CEP112: variants seen among roughly 807,000 people sequenced by gnomAD.
CEP112 encodes the protein centrosomal protein 112, also known as centrosomal protein of 112 kDa.
CEP112 carries 127 observed loss-of-function variants against 153.0 expected under a neutral mutation model. That is an observed-to-expected ratio of 0.83 (90% CI 0.72 to 0.96). The LOEUF (loss-of-function observed/expected upper bound fraction) is 0.96. Among genes scored for constraint, CEP112 ranks in the 40% least tolerant of loss-of-function variants. The pLI is 0.00. For synonymous variants in CEP112, 358 were observed against 374.4 expected (o/e 0.96, Z 0.51); for missense variants, 1,089 against 1,101.2 (o/e 0.99, Z 0.16).
At chr17:65,749,431 C>T (rs2051677564) in intron 22 of CEP112, among the ~76,000 whole-genome samples, 1 of 151,998 alleles carries the variant, frequency 6.6e-6, no homozygotes, top group East Asian at 1.9e-4. Flanking sequence ...TGGCGTGAAT[C>T]AGGGAGGTGG....
intron 8 of CEP112, among the ~76,000 whole-genome samples, chr17:66,094,590 C>T (rs915582805): frequency 6.6e-6 from 1 of 151,816 alleles, no homozygotes; most frequent in African/African-American, 2.4e-5. Context: ...TTGCTCTGGG[C>T]AATGATGTTT....
intron 16 of CEP112, among the ~76,000 whole-genome samples, chr17:66,015,036 C>A (rs145718521): frequency 6.6e-6 from 1 of 152,174 alleles, no homozygotes; most frequent in African/African-American, 2.4e-5. Flanking sequence ...TCAAGGACAT[C>A]GTCTTTGGAA....
In CEP112 at chr17:66,191,464, G is replaced by C. The variant is rs1466632475; in HGVS notation, c.-9+533C>G. Reference sequence around the variant, plus strand: ...AAACACAGGGTAGCATCCTACATGCGGCGGTGCTGGGCTTGGGCCTCTCCA... The same window carrying C: ...AAACACAGGGTAGCATCCTACATGCCGCGGTGCTGGGCTTGGGCCTCTCCA... On this transcript the variant is annotated intron_variant, in intron 1 of 26. Coordinates refer to ENST00000535342, the MANE Select transcript of CEP112 (RefSeq NM_001199165.4). The surrounding 1 kb of genome is among the most constrained non-coding windows in gnomAD (Gnocchi z 4.2). Among the ~76,000 whole-genome samples, 1 of 152,144 alleles carries C rather than the reference G, an allele frequency of 6.6e-6. No individual in the cohort carries two copies. Among genetic ancestry groups the C allele is most frequent in the Non-Finnish European group, 1.5e-5 (1 of 68,030 alleles).
At chr17:65,854,790 C>T (rs946765800) in intron 20 of CEP112, among the ~76,000 whole-genome samples, 13 of 152,066 alleles carry the variant, frequency 8.5e-5, no homozygotes, top group South Asian at 4.1e-4. Context: ...ATCAATTGTC[C>T]GTGAAAACAG....
chr17:65,736,077 T>C (rs1567937966), intron 23 of CEP112, among the ~76,000 whole-genome samples: 1 of 152,154 alleles, frequency 6.6e-6, no homozygotes, highest in African/African-American at 2.4e-5. Flanking sequence ...GCAGTGATTC[T>C]AGATAAGGGT....
chr17:66,168,017 A>G (rs1423424885), intron 4 of CEP112, among the ~76,000 whole-genome samples: 1 of 152,254 alleles, frequency 6.6e-6, no homozygotes, highest in African/African-American at 2.4e-5. Context: ...GTTTAAATGT[A>G]TATATATCTG....
chr17:66,174,174 C>T (rs374675775), intron 4 of CEP112, among the ~76,000 whole-genome samples: 18 of 152,196 alleles, frequency 1.2e-4, no homozygotes, highest in South Asian at 4.2e-4. Flanking sequence ...GTGATCCGCC[C>T]GCCTCAGCCT....
intron 23 of CEP112, among the ~76,000 whole-genome samples, chr17:65,690,425 C>CAAAAAAAA (rs67648497): frequency 3.9e-5 from 3 of 76,674 alleles, no homozygotes; most frequent in African/African-American, 1.0e-4. Context: ...GACCCTGTCT[C>CAAAAAAAA]AAAAAAAAAA....
intron 1 of CEP112, 140 bp from the exon 2 acceptor site, chr17:66,183,447 T>C: frequency 3.9e-6 from 2 of 519,198 alleles, no homozygotes; most frequent in Non-Finnish European, 6.7e-6. Flanking sequence ...GCAACTCCCA[T>C]CAAAACCCAG....
At chr17:65,918,921 G>A (rs1351310808) in intron 19 of CEP112, among the ~76,000 whole-genome samples, 4 of 152,164 alleles carry the variant, frequency 2.6e-5, no homozygotes, top group Non-Finnish European at 5.9e-5. Flanking sequence ...CTGTAAGAGA[G>A]GGGCTCAAAA....
At chr17:65,690,425 C>CA (rs67648497) in intron 23 of CEP112, among the ~76,000 whole-genome samples, 8,385 of 76,380 alleles carry the variant, frequency 0.11, 1,127 homozygotes, top group East Asian at 0.55. Context: ...GACCCTGTCT[C>CA]AAAAAAAAAA....
At chr17:65,958,528 C>T (rs1181958288) in intron 18 of CEP112, among the ~76,000 whole-genome samples, 1 of 63,720 alleles carries the variant, frequency 1.6e-5, no homozygotes, top group African/African-American at 4.9e-5. Context: ...GCTGTCCGTG[C>T]CCACTCCAAT....
chr17:65,829,429 T>C (rs1257701203), intron 21 of CEP112, among the ~76,000 whole-genome samples: 1 of 152,168 alleles, frequency 6.6e-6, no homozygotes, highest in Non-Finnish European at 1.5e-5. Flanking sequence ...AATGTATCTA[T>C]GCAGCTTTAT....
intron 4 of CEP112, among the ~76,000 whole-genome samples, chr17:66,167,515 T>C (rs897740360): frequency 3.3e-5 from 5 of 152,108 alleles, no homozygotes; most frequent in African/African-American, 1.2e-4. Flanking sequence ...GGACAGATGG[T>C]TGCCAAGTGT....
intron 22 of CEP112, among the ~76,000 whole-genome samples, chr17:65,747,256 A>T (rs1475123844): frequency 6.6e-6 from 1 of 152,146 alleles, no homozygotes; most frequent in Non-Finnish European, 1.5e-5. Flanking sequence ...TCCTCACAAA[A>T]TAAGTGGATG....
chr17:66,037,909 C>T (rs1263346436), intron 12 of CEP112, among the ~76,000 whole-genome samples: 3 of 151,678 alleles, frequency 2.0e-5, no homozygotes, highest in African/African-American at 7.3e-5. Flanking sequence ...TAAGTATATA[C>T]ATAGATATGA....
chr17:65,750,889 A>C, intron 21 of CEP112, 165 bp from the exon 22 acceptor site: 4 of 522,314 alleles, frequency 7.7e-6, no homozygotes, highest in South Asian at 3.2e-5. Context: ...ACTATTCATC[A>C]CTTAAAAAGC....
intron 16 of CEP112, among the ~76,000 whole-genome samples, chr17:66,015,999 A>C (rs2064755148): frequency 6.6e-6 from 1 of 152,168 alleles, no homozygotes; most frequent in Non-Finnish European, 1.5e-5. Context: ...AATTCTTTAC[A>C]AAATCTGACC....
At chr17:66,124,941 T>C (rs55508) in intron 6 of CEP112, among the ~76,000 whole-genome samples, 52,025 of 152,020 alleles carry the variant, frequency 0.34, 10,620 homozygotes, top group Non-Finnish European at 0.46. Context: ...AAATGTCAAC[T>C]TCTCAAATAA....
Sources: allele counts gnomAD v4.1 joint callset (sites outside exome capture counted in the v4.1 genomes callset), GRCh38; gene constraint gnomAD v4.1.1; non-coding constraint Gnocchi (gnomAD v3.1); transcripts MANE v1.5; gene names NCBI Gene and HGNC (gene_info 2026-07-23, HGNC 2026-07-21).